The following STAMBP variants were observed in gnomAD, a reference collection of about 807,000 sequenced individuals.
STAMBP encodes the protein STAM-binding protein.
A neutral mutation model predicts 50.7 loss-of-function variants in STAMBP; 31 were observed. The ratio of observed to expected loss-of-function variants is 0.61; its 90% CI spans 0.46 to 0.83. The LOEUF is 0.83. Among genes scored for constraint, STAMBP ranks in the 40% least tolerant of loss-of-function variants. The pLI is 0.00. For synonymous variants in STAMBP, 211 were observed against 192.4 expected (o/e 1.10, Z -0.80); for missense variants, 472 against 518.9 (o/e 0.91, Z 0.88).
intron 2 of STAMBP, 49 bp downstream of exon 2, chr2:73,831,108 C>T: frequency 6.6e-7 from 1 of 1,511,448 alleles, no homozygotes; most frequent in Non-Finnish European, 9.2e-7. Context: ...TGGTGCCTCG[C>T]CTATTTGGCT....
At chr2:73,867,876 G>A (rs1466506525), downstream of STAMBP, among the ~76,000 whole-genome samples, 8 of 151,684 alleles carry the variant, frequency 5.3e-5, no homozygotes, top group Non-Finnish European at 1.2e-4. Context: ...TGTAATCCCA[G>A]CACTTTAGGA....
intron 8 of STAMBP, 66 bp from the exon 9 acceptor site, chr2:73,859,986 C>T (rs1411617820): frequency 2.6e-5 from 28 of 1,081,748 alleles, no homozygotes; most frequent in East Asian, 1.2e-4. Flanking sequence ...TGTGTGTGTG[C>T]GTGCATATGT....
chr2:73,858,611 T>A (rs923939898), intron 7 of STAMBP, among the ~76,000 whole-genome samples: 3 of 152,188 alleles, frequency 2.0e-5, no homozygotes, highest in Admixed American at 1.3e-4. Context: ...AGTTTTCAAG[T>A]GTATAATACA....
In STAMBP at chr2:73,847,673, G is replaced by T; in HGVS notation, c.662G>T (p.Cys221Phe). ...GTCTCATCCATACAGCCTTCAGACTGTCACACAACTGTAAGGCCAGCTAAG... is the reference window on the plus strand; with the variant it reads ...GTCTCATCCATACAGCCTTCAGACTTTCACACAACTGTAAGGCCAGCTAAG... ...LTVSSIQPSD[C>F]HTTVRPAKPP... The change falls in exon 5 of 10, where the codon TGT becomes TTT. Residue 221 changes from cysteine to phenylalanine, a missense_variant. Transcript: ENST00000394070. 1 of 1,614,212 alleles carries T rather than the reference G, an allele frequency of 6.2e-7. No individual in the cohort carries two copies. The highest frequency in any genetic ancestry group is 8.5e-7 in the Non-Finnish European group (1 of 1,180,030).
rs932371524 is a variant in STAMBP, at chr2:73,866,374, T to A, written c.*4115T>A. The A allele has an allele frequency of 3.3e-5, 5 of 152,264 alleles. No homozygotes were observed. Among genetic ancestry groups the A allele is most frequent in the Admixed American group, 6.5e-5 (1 of 15,282 alleles). 9.4% of individuals were successfully genotyped at this position (152,264 alleles called of 1,614,324 possible). ...TTCCCACAATTTGTTGTGTGTGTTT[T>A]TTGTTGTTTTGCAGCGTTTTCATAT... On this transcript the variant is annotated 3_prime_UTR_variant, in exon 10 of 10. Transcript: ENST00000394070.
chr2:73,847,649 T>A lies in STAMBP; in HGVS notation c.638T>A (p.Val213Asp), dbSNP rs1159893857. The A allele has an allele frequency of 6.2e-7, 1 of 1,614,098 alleles. No homozygotes were observed. The highest frequency in any genetic ancestry group is 2.2e-5 in the East Asian group (1 of 44,882). Residue 213 changes from valine (V) to aspartate (D), a missense_variant, in exon 5 of 10, where the codon GTC (valine) becomes GAC (aspartate). By Grantham distance (152) the Val-to-Asp change is radical. Coordinates refer to ENST00000394070, the MANE Select transcript of STAMBP (RefSeq NM_213622.4). Reference protein sequence around the residue: ...PSLDVFPTLTVSSIQPSDCHT... With the variant: ...PSLDVFPTLTDSSIQPSDCHT... ...TTAGATGTGTTCCCCACCTTAACAG[T>A]CTCATCCATACAGCCTTCAGACTGT...
downstream of STAMBP, among the ~76,000 whole-genome samples, chr2:73,872,053 G>A (rs575555355): frequency 7.2e-5 from 11 of 152,216 alleles, no homozygotes; most frequent in Non-Finnish European, 1.0e-4. Context: ...GATTACAGAC[G>A]TGAGCCACCT....
At chr2:73,832,108 T>TATACACAC (rs1006072205) in intron 2 of STAMBP, among the ~76,000 whole-genome samples, 4,375 of 122,840 alleles carry the variant, frequency 0.036, 119 homozygotes, top group Non-Finnish European at 0.053. Flanking sequence ...TATATATATA[T>TATACACAC]ACACATATAT....
At chr2:73,831,660 C>G (rs1573231774) in intron 2 of STAMBP, among the ~76,000 whole-genome samples, 1 of 152,106 alleles carries the variant, frequency 6.6e-6, no homozygotes, top group East Asian at 1.9e-4. Context: ...GACAATGATA[C>G]ATAATTTAGA....
downstream of STAMBP, among the ~76,000 whole-genome samples, chr2:73,871,119 T>G (rs762022910): frequency 5.3e-5 from 8 of 152,098 alleles, no homozygotes; most frequent in Non-Finnish European, 8.8e-5. Context: ...GCAGGATAAG[T>G]TTACACAAAT....
rs1224258506 is a variant in STAMBP, at chr2:73,859,265, A to G, written c.1017A>G (p.Thr339=). 6.2e-7 allele frequency: 1 copy of G among 1,613,178 alleles called. No individual in the cohort carries two copies. The highest frequency in any genetic ancestry group is 1.7e-5 in the Admixed American group (1 of 59,928). ...TTTTCTCTCCTCAGACTCACCCCAC[A>G]CAGACCGCGTTTCTCTCCAGTGTCG... The part of the protein sequence containing the change: ...ITLGWIHTHP[T]QTAFLSSVDL... Residue 339 remains threonine (T), a synonymous_variant, in exon 8 of 10, where the codon ACA becomes ACG. Transcript: ENST00000394070.
At chr2:73,832,777 A>G (rs1674128562) in intron 2 of STAMBP, among the ~76,000 whole-genome samples, 1 of 152,194 alleles carries the variant, frequency 6.6e-6, no homozygotes, top group Non-Finnish European at 1.5e-5. Context: ...TGTGACAACC[A>G]AAAATGTCAC....
intron 9 of STAMBP, 152 bp downstream of exon 9, chr2:73,860,303 C>T: frequency 1.5e-6 from 1 of 653,938 alleles, no homozygotes; most frequent in Non-Finnish European, 2.5e-6. Context: ...ACATGAGAAG[C>T]AGTGTGGGAC....
chr2:73,840,313 GTTTTTT>G (rs57827239), intron 2 of STAMBP, among the ~76,000 whole-genome samples: 4 of 115,640 alleles, frequency 3.5e-5, no homozygotes, highest in Non-Finnish European at 7.6e-5. Flanking sequence ...TTAGGGGTTT[GTTTTTT>G]TTTTTTTTTT....
chr2:73,859,177 C>T (rs1677973396), intron 7 of STAMBP, 77 bp from the exon 8 acceptor site: 1 of 1,179,192 alleles, frequency 8.5e-7, no homozygotes, highest in South Asian at 1.2e-5. Flanking sequence ...CTTTAAACCT[C>T]AGAAAGGGAA....
chr2:73,848,459 T>C (rs948138508), intron 5 of STAMBP, among the ~76,000 whole-genome samples: 2 of 152,232 alleles, frequency 1.3e-5, no homozygotes, highest in Non-Finnish European at 2.9e-5. Flanking sequence ...TACTCTGATA[T>C]TCTTATCTGA....
At chr2:73,849,747 A>G (rs761867298) in intron 6 of STAMBP, among the ~76,000 whole-genome samples, 5 of 152,110 alleles carry the variant, frequency 3.3e-5, no homozygotes, top group Non-Finnish European at 4.4e-5. Flanking sequence ...CTACATATCA[A>G]TTTTTTTGGT....
chr2:73,860,276 C>G, intron 9 of STAMBP, 125 bp downstream of exon 9: 1 of 758,762 alleles, frequency 1.3e-6, no homozygotes. Flanking sequence ...CTTGCCAGAT[C>G]TCCATAATAA....
At chr2:73,853,707 G>A (rs529320765) in intron 7 of STAMBP, among the ~76,000 whole-genome samples, 5 of 152,320 alleles carry the variant, frequency 3.3e-5, no homozygotes, top group Admixed American at 6.5e-5. Context: ...GGGCAACAGA[G>A]CGAGACTTGG....
Sources: allele counts gnomAD v4.1 joint callset (sites outside exome capture counted in the v4.1 genomes callset), GRCh38; gene constraint gnomAD v4.1.1; transcripts MANE v1.5; gene names NCBI Gene and HGNC (gene_info 2026-07-23, HGNC 2026-07-21).